Variants in CDC23 observed in about 807,000 individuals in gnomAD.
CDC23 encodes cell division cycle 23, also known as cell division cycle protein 23 homolog.
A neutral mutation model predicts 81.7 loss-of-function variants in CDC23; 26 were observed. That is an observed-to-expected ratio of 0.32 (90% CI 0.23 to 0.44). CDC23 has a LOEUF of 0.44. Ranked by LOEUF, CDC23 falls within the 20% of genes least tolerant of loss-of-function variation. CDC23 has a pLI of 1.00. For synonymous variants in CDC23, 267 were observed against 270.8 expected, an observed-to-expected ratio of 0.99 and a Z score of 0.14; for missense variants, 519 against 728.0, an observed-to-expected ratio of 0.71 and a Z score of 3.30.
At chr5:138,204,198 G>A (rs769168721) in intron 3 of CDC23, among the ~76,000 whole-genome samples, 7 of 152,058 alleles carry the variant, frequency 4.6e-5, no homozygotes, top group Non-Finnish European at 7.4e-5. Context: ...GTTCACAATA[G>A]GCAAAACTAT....
At chr5:138,207,734 T>C (rs186933197) in intron 2 of CDC23, among the ~76,000 whole-genome samples, 2 of 152,194 alleles carry the variant, frequency 1.3e-5, no homozygotes, top group East Asian at 3.9e-4. Context: ...GGCAAGAGGA[T>C]GGCTTGAACT....
At chr5:138,198,072 G>A (rs17234870) in intron 9 of CDC23, 127 bp downstream of exon 9, 246 of 678,146 alleles carry the variant, frequency 3.6e-4, no homozygotes, top group African/African-American at 2.3e-3. Flanking sequence ...CGATCCTCCC[G>A]CCTCAGTCTC....
rs138719632 is a variant in CDC23, at chr5:138,212,934, G to A, written c.234+57C>T. 327 of 1,449,716 alleles carry A rather than the reference G, an allele frequency of 2.3e-4. No individual in the cohort carries two copies. The African/African-American group carries it at 4.1e-3, about 18-fold the overall frequency. The allele number at this position is 1,449,716 out of a possible 1,614,324, so 89.8% of individuals were successfully genotyped here. A position where few individuals can be genotyped will look rare whatever the true frequency, so the allele number is the denominator to read the frequency against. On this transcript the variant is annotated intron_variant, in intron 2 of 15. Transcript: ENST00000394886. Reference sequence around the variant, plus strand: ...TCCTCCAGTGACAGGGCACTCAGTGGCTCTTGAGGCACACCCCTGGGTTGA... The same window carrying A: ...TCCTCCAGTGACAGGGCACTCAGTGACTCTTGAGGCACACCCCTGGGTTGA...
rs757971074 is a variant in CDC23 at position 138,192,582 on chromosome 5, C to A, written c.1088G>T (p.Arg363Leu). 6.2e-7 allele frequency: 1 copy of A among 1,614,056 alleles called. No homozygotes were observed. The highest frequency in any genetic ancestry group is 8.5e-7 in the Non-Finnish European group (1 of 1,179,986). ...CATTAGTGTCCAGGCACCAAGATAC[C>A]GAGGATTTAATTTCAGGGCTCTCTG... ...YFQRALKLNP[R>L]YLGAWTLMGH... is the part of the protein sequence containing the mutation. The change falls in exon 10 of 16, where the codon CGG becomes CTG. Residue 363 changes from arginine to leucine, a missense_variant. This residue lies in a region of CDC23 where 175 missense variants were observed against 337.8 expected (regional missense o/e 0.52). Transcript: ENST00000394886.
intron 9 of CDC23, among the ~76,000 whole-genome samples, chr5:138,196,355 A>G (rs957939519): frequency 4.0e-5 from 6 of 150,328 alleles, no homozygotes. Context: ...CAGTGGCATG[A>G]TCTTGGCTCA....
chr5:138,190,409 G>A (rs942204548), intron 13 of CDC23, among the ~76,000 whole-genome samples: 7 of 147,634 alleles, frequency 4.7e-5, no homozygotes, highest in African/African-American at 1.3e-4. Context: ...AGTGAGCCAA[G>A]ATCATACCAC....
Position 138,195,759 on chromosome 5 carries a change from ATATAT to A in CDC23, c.1012+2435_1012+2439del, listed in dbSNP as rs1373008154. Among the ~76,000 whole-genome samples, 6 of 116,804 alleles carry A rather than the reference ATATAT, an allele frequency of 5.1e-5. No individual in the cohort carries two copies. In the East Asian group the frequency reaches 6.4e-4, roughly 12 times the overall value. 76.6% of individuals were successfully genotyped at this position (116,804 alleles called of 152,430 possible). A position where few individuals can be genotyped will look rare whatever the true frequency, so the allele number is the denominator to read the frequency against. ...ATATAATATATATGTATATATATAC[ATATAT>A]TATATATGTGTATATATACATATAT... On this transcript the variant is annotated intron_variant, in intron 9 of 15. Transcript: ENST00000394886.
At chr5:138,200,053 A>G (rs1348545157) in intron 6 of CDC23, among the ~76,000 whole-genome samples, 1 of 152,210 alleles carries the variant, frequency 6.6e-6, no homozygotes, top group African/African-American at 2.4e-5. Flanking sequence ...AGTATACATT[A>G]TTTCTTTAAT....
At chr5:138,190,045 G>A in intron 13 of CDC23, 139 bp from the exon 14 acceptor site, 1 of 677,120 alleles carries the variant, frequency 1.5e-6, no homozygotes, top group Non-Finnish European at 2.6e-6. Context: ...CTTGGAACTA[G>A]AATAGTATTA....
At chr5:138,199,274 T>A (rs1284019284) in intron 6 of CDC23, among the ~76,000 whole-genome samples, 1 of 152,018 alleles carries the variant, frequency 6.6e-6, no homozygotes, top group East Asian at 1.9e-4. Context: ...AGTAAGAGAA[T>A]GACATGATGA....
intron 3 of CDC23, among the ~76,000 whole-genome samples, chr5:138,205,294 T>C (rs1462726364): frequency 6.6e-6 from 1 of 152,202 alleles, no homozygotes; most frequent in Non-Finnish European, 1.5e-5. Flanking sequence ...AAAATATCTT[T>C]CTTAAACTCA....
At position 138,187,856 on chromosome 5, in the gene CDC23, C is replaced by G. The variant is rs561107219; in HGVS notation, c.*1122G>C. The G allele has an allele frequency of 6.2e-6, 1 of 161,330 alleles. No individual in the cohort carries two copies. Among genetic ancestry groups the G allele is most frequent in the South Asian group, 1.6e-4 (1 of 6,176 alleles). 10.0% of individuals were successfully genotyped at this position (161,330 alleles called of 1,614,324 possible). On this transcript the variant is annotated 3_prime_UTR_variant, in exon 16 of 16. Transcript: ENST00000394886. ...TCAAGTCGTATTAGATATTCTAAAC[C>G]TTCCTTAATATAAGATGAAGTGTCA...
chr5:138,190,134 C>A, intron 13 of CDC23: 1 of 543,310 alleles, frequency 1.8e-6, no homozygotes, highest in Non-Finnish European at 3.3e-6. Flanking sequence ...ATATTAATAT[C>A]TAAGCTAGAT....
Position 138,213,189 on chromosome 5 carries a change from G to C in CDC23, c.124C>G (p.Leu42Val). 1 of 1,614,168 alleles carries C rather than the reference G, an allele frequency of 6.2e-7. No homozygotes were observed. Among genetic ancestry groups the C allele is most frequent in the Non-Finnish European group, 8.5e-7 (1 of 1,180,034 alleles). The stretch of plus-strand genomic sequence containing the variant: ...TGTAGTAGGCCCCGCTCCCGGGTAA[G>C]GCCCGCAATAAGCAGCAGTTGCTTT... ...IKKQLLLIAG[L>V]TRERGLLHSS... is the part of the protein sequence containing the mutation. Residue 42 changes from leucine to valine, a missense_variant, in exon 1 of 16, where the codon CTT (leucine) becomes GTT (valine). Physicochemically the swap from Leu to Val is conservative, Grantham distance 32 (BLOSUM62 1). Around this residue, in one of 4 missense-constraint regions of CDC23, gnomAD observed 126 missense variants for 116.2 expected, o/e 1.08. Coordinates refer to ENST00000394886, the MANE Select transcript of CDC23 (RefSeq NM_004661.4).
intron 3 of CDC23, among the ~76,000 whole-genome samples, chr5:138,203,287 T>C (rs1054931409): frequency 6.6e-6 from 1 of 152,220 alleles, no homozygotes; most frequent in Non-Finnish European, 1.5e-5. Flanking sequence ...TACTGGTTCA[T>C]TGATTACAAC....
intron 9 of CDC23, among the ~76,000 whole-genome samples, chr5:138,194,853 C>G (rs539965760): frequency 6.6e-6 from 1 of 151,554 alleles, no homozygotes; most frequent in South Asian, 2.1e-4. Context: ...TCCTGAGTAG[C>G]TGGGATTACA....
At chr5:138,199,564 G>A (rs1474538697) in intron 6 of CDC23, among the ~76,000 whole-genome samples, 2 of 152,204 alleles carry the variant, frequency 1.3e-5, no homozygotes, top group Non-Finnish European at 2.9e-5. Context: ...TGACAACTGA[G>A]ATGATAAAGG....
chr5:138,197,344 T>C (rs1754925671), intron 9 of CDC23, among the ~76,000 whole-genome samples: 1 of 146,130 alleles, frequency 6.8e-6, no homozygotes, highest in African/African-American at 2.6e-5. Flanking sequence ...AAAATGCTAG[T>C]CATCAAAAAT....
Position 138,191,514 on chromosome 5 carries a change from C to T in CDC23, c.1384G>A (p.Val462Met), listed in dbSNP as rs761053901. Residue 462 changes from valine (V) to methionine (M), a missense_variant, in exon 13 of 16, where the codon GTG (valine) becomes ATG (methionine). By Grantham distance (21) the Val-to-Met change is conservative (BLOSUM62 1). Coordinates refer to ENST00000394886, the MANE Select transcript of CDC23 (RefSeq NM_004661.4). ...AGAGCCATTTTCTCCACATCTCCCA[C>T]GGCGTAAGCTCTCCAATAACACTGT... ...AKKCYWRAYA[V>M]GDVEKMALVK... 34 of 1,614,036 alleles carry T rather than the reference C, an allele frequency of 2.1e-5. No individual in the cohort carries two copies. Among genetic ancestry groups the T allele is most frequent in the Non-Finnish European group, 2.5e-5 (29 of 1,179,980 alleles).
Sources: allele counts gnomAD v4.1 joint callset (sites outside exome capture counted in the v4.1 genomes callset), GRCh38; gene constraint gnomAD v4.1.1; regional missense constraint gnomAD v4.1.1; transcripts MANE v1.5; gene names NCBI Gene and HGNC (gene_info 2026-07-23, HGNC 2026-07-21).